The following SLCO1B3 variants were observed in gnomAD, a reference collection of about 807,000 sequenced individuals.
SLCO1B3 encodes liver-specific organic anion transporter 2.
A neutral mutation model predicts 71.8 loss-of-function variants in SLCO1B3; 72 were observed. The observed-to-expected ratio is 1.00, with a 90% CI of 0.83 to 1.22. The LOEUF is 1.22. SLCO1B3 is among the 50% of genes most tolerant of loss of function. SLCO1B3 has a pLI of 0.00. For missense variants in SLCO1B3, 911 were observed against 819.7 expected (o/e 1.11, Z -1.36); for synonymous variants, 298 against 278.4 (o/e 1.07, Z -0.70).
At chr12:20,836,292 A>T (rs1046274332) in intron 3 of SLCO1B3, among the ~76,000 whole-genome samples, 1 of 152,222 alleles carries the variant, frequency 6.6e-6, no homozygotes, top group African/African-American at 2.4e-5. Flanking sequence ...GTGATAGATT[A>T]CATGAATTGA....
Position 20,868,401 on chromosome 12 carries a change from C to T in SLCO1B3, c.727+5547C>T, listed in dbSNP as rs1865412913. Among the ~76,000 whole-genome samples the T allele has an allele frequency of 2.0e-5, 3 of 152,064 alleles. No homozygotes were observed. In the South Asian group the frequency reaches 6.5e-4, roughly 33 times the overall value. On this transcript the variant is annotated intron_variant, in intron 8 of 15. Coordinates refer to ENST00000381545, the MANE Select transcript of SLCO1B3 (RefSeq NM_019844.4). ...ACAATACAGTATTATTAACTACAGG[C>T]ACAATGTTGTACAGCGGATCTCTAG...
Position 20,901,448 on chromosome 12 carries a change from T to C in SLCO1B3, c.1846T>C (p.Tyr616His), listed in dbSNP as rs904611575. The C allele has an allele frequency of 2.0e-6, 3 of 1,537,210 alleles. No homozygotes were observed. Among genetic ancestry groups the C allele is most frequent in the East Asian group, 2.4e-5 (1 of 42,222 alleles). ...TGGAGCACAAGGGGCTTGTAGGATA[T>C]ATAATTCCGTATTTTTTGGGTAAGT... ...SCGAQGACRI[Y>H]NSVFFGRVYL... is the part of the protein sequence containing the mutation. Residue 616 changes from tyrosine (Y) to histidine (H), a missense_variant, in exon 15 of 16, where the codon TAT (tyrosine) becomes CAT (histidine). Transcript: ENST00000381545.
intron 3 of SLCO1B3, among the ~76,000 whole-genome samples, chr12:20,837,030 G>A (rs10841667): frequency 0.72 from 108,834 of 152,108 alleles, 41,861 homozygotes; most frequent in South Asian, 0.9. Context: ...TTTTCTTGTA[G>A]GAGTTTGAGT....
intron 13 of SLCO1B3, among the ~76,000 whole-genome samples, chr12:20,896,539 C>T (rs935121901): frequency 4.3e-4 from 65 of 152,194 alleles, no homozygotes; most frequent in Admixed American, 4.3e-3. Context: ...TCCTTATCTC[C>T]ATCTGAGACC....
At chr12:20,862,621 A>G in intron 7 of SLCO1B3, 63 bp downstream of exon 7, 2 of 1,503,112 alleles carry the variant, frequency 1.3e-6, no homozygotes. Context: ...TGAAATAATA[A>G]TGTCATTATT....
chr12:20,857,480 T>C (rs1865165197), intron 4 of SLCO1B3, among the ~76,000 whole-genome samples: 1 of 152,010 alleles, frequency 6.6e-6, no homozygotes, highest in Non-Finnish European at 1.5e-5. Flanking sequence ...TTTTCTCTGA[T>C]GTGTGATGTC....
intron 3 of SLCO1B3, among the ~76,000 whole-genome samples, chr12:20,823,356 A>G (rs965431169): frequency 9.2e-5 from 14 of 152,326 alleles, no homozygotes; most frequent in East Asian, 5.8e-4. Context: ...AATTGAAAAC[A>G]TTATTTGGAG....
intron 3 of SLCO1B3, among the ~76,000 whole-genome samples, chr12:20,821,249 G>A (rs559222477): frequency 2.6e-4 from 40 of 152,226 alleles, no homozygotes; most frequent in African/African-American, 4.3e-4. Flanking sequence ...CCCGTTTTAC[G>A]ACAAGAATTA....
At chr12:20,883,683 A>T in intron 13 of SLCO1B3, 81 bp downstream of exon 13, 1 of 915,612 alleles carries the variant, frequency 1.1e-6, no homozygotes, top group Middle Eastern at 2.9e-4. Context: ...CTGTATTTTG[A>T]GCTCAAATTC....
chr12:20,821,453 G>C (rs1461450496), intron 3 of SLCO1B3, among the ~76,000 whole-genome samples: 1 of 152,076 alleles, frequency 6.6e-6, no homozygotes, highest in East Asian at 1.9e-4. Flanking sequence ...ATGGAAGGTG[G>C]AAGCTAGTCC....
chr12:20,835,435 T>C (rs2196026), intron 3 of SLCO1B3, among the ~76,000 whole-genome samples: 70,499 of 151,976 alleles, frequency 0.46, 18,268 homozygotes, highest in South Asian at 0.64. Flanking sequence ...CACTTTTATG[T>C]TCTGCTTCCT....
Position 20,858,224 on chromosome 12 carries a change from C to T in SLCO1B3, c.227-215C>T, listed in dbSNP as rs140759897. On this transcript the variant is annotated intron_variant, in intron 4 of 15. Coordinates refer to ENST00000381545, the MANE Select transcript of SLCO1B3 (RefSeq NM_019844.4). ...CTCATATAGCCAAATTACCCAAGTG[C>T]TTTCTTTGCATATAAAACCTATTCT... Among the ~76,000 whole-genome samples the T allele has an allele frequency of 9.5e-4, 145 of 152,122 alleles. 1 individual carries two copies. Among genetic ancestry groups the T allele is most frequent in the African/African-American group, 3.4e-3 (143 of 41,524 alleles).
rs1865475224 is a variant in SLCO1B3, at chr12:20,871,565, A to G, written c.728-3670A>G. On this transcript the variant is annotated intron_variant, in intron 8 of 15. Transcript: ENST00000381545. ...CCTATCCTTCTTTACTAGGCTTTTT[A>G]GGTATATGAAGGGACTTTGGCCACA... is the stretch of plus-strand genomic sequence containing the variant. Among the ~76,000 whole-genome samples, 3 of 152,080 alleles carry G rather than the reference A, an allele frequency of 2.0e-5. No homozygotes were observed. The South Asian group carries it at 6.3e-4, about 32-fold the overall frequency.
At chr12:20,839,360 CTTTAA>C (rs1316890410) in intron 3 of SLCO1B3, among the ~76,000 whole-genome samples, 2 of 151,992 alleles carry the variant, frequency 1.3e-5, no homozygotes, top group Admixed American at 6.6e-5. Flanking sequence ...CGAGAAATTC[CTTTAA>C]TTTTTGTTTA....
chr12:20,840,369 A>G (rs1864768905), intron 3 of SLCO1B3, among the ~76,000 whole-genome samples: 1 of 149,780 alleles, frequency 6.7e-6, no homozygotes, highest in South Asian at 2.1e-4. Context: ...TCTGGACCAT[A>G]AATTTCACAA....
chr12:20,889,197 CATG>C (rs1393680683), intron 13 of SLCO1B3, among the ~76,000 whole-genome samples: 1 of 151,400 alleles, frequency 6.6e-6, no homozygotes, highest in Non-Finnish European at 1.5e-5. Context: ...TTGGTATCAG[CATG>C]ATGCTGACTT....
chr12:20,859,583 T>G (rs186391382), intron 5 of SLCO1B3, among the ~76,000 whole-genome samples: 45 of 152,000 alleles, frequency 3.0e-4, no homozygotes, highest in African/African-American at 1.1e-3. Flanking sequence ...ATTTTTCTAT[T>G]TTTGTGGCTT....
chr12:20,825,798 CAAAAAAAA>C (rs3060437), intron 3 of SLCO1B3, among the ~76,000 whole-genome samples: 1 of 86,242 alleles, frequency 1.2e-5, no homozygotes, highest in South Asian at 4.7e-4. Flanking sequence ...GACTCTGTCT[CAAAAAAAA>C]AAAAAAAAAA....
At chr12:20,837,079 G>A (rs1239706497) in intron 3 of SLCO1B3, among the ~76,000 whole-genome samples, 2 of 152,074 alleles carry the variant, frequency 1.3e-5, no homozygotes, top group African/African-American at 4.8e-5. Context: ...TTTAATTTAG[G>A]TTATTATAAT....
Sources: allele counts gnomAD v4.1 joint callset (sites outside exome capture counted in the v4.1 genomes callset), GRCh38; gene constraint gnomAD v4.1.1; transcripts MANE v1.5; gene names NCBI Gene and HGNC (gene_info 2026-07-23, HGNC 2026-07-21).